The following LAG3 variants were observed in gnomAD, a reference collection of about 807,000 sequenced individuals.
LAG3 encodes lymphocyte activation gene 3 protein.
In LAG3, 29 loss-of-function variants were observed where a neutral mutation model predicts 49.0. The ratio of observed to expected loss-of-function variants is 0.59; its 90% CI spans 0.44 to 0.81. The LOEUF is 0.81. LAG3 is among the 30% of genes least tolerant of loss of function. LAG3 has a pLI of 0.00. For synonymous variants in LAG3, 320 were observed against 297.3 expected (o/e 1.08, Z -0.79); for missense variants, 693 against 695.2 (o/e 1.00, Z 0.04).
Position 6,773,272 on chromosome 12 carries a change from ACAATCCCCCTCC to A in LAG3, c.140_151del (p.Thr47_Gln51delinsLys), listed in dbSNP as rs773617171. ...TCCTGCCCAGCTCCCCTGCAGCCCC[ACAATCCCCCTCC>A]AGGATCTCAGCCTTCTGCGAAGAGC... On this transcript the variant is annotated inframe_deletion, in exon 2 of 8. Coordinates refer to ENST00000203629, the MANE Select transcript of LAG3 (RefSeq NM_002286.6). The surrounding 1 kb of genome is among the most constrained non-coding windows in gnomAD (Gnocchi z 5.5). 1 of 1,613,340 alleles carries A rather than the reference ACAATCCCCCTCC, an allele frequency of 6.2e-7. No individual in the cohort carries two copies. Among genetic ancestry groups the A allele is most frequent in the Non-Finnish European group, 8.5e-7 (1 of 1,179,774 alleles).
At chr12:6,774,040 G>T in intron 3 of LAG3, 39 bp downstream of exon 3, 1 of 1,382,248 alleles carries the variant, frequency 7.2e-7, no homozygotes, top group Non-Finnish European at 9.3e-7. Flanking sequence ...GCTGGGAGGT[G>T]GGTCCCCATC....
In LAG3 at chr12:6,774,683, G is replaced by A; in HGVS notation, c.600G>A (p.Val200=). Residue 200 remains valine, a synonymous_variant, in exon 4 of 8, where the codon GTG becomes GTA. Coordinates refer to ENST00000203629, the MANE Select transcript of LAG3 (RefSeq NM_002286.6). ...SFSRPDRPAS[V]HWFRNRGQGR... is the part of the protein sequence containing the mutation. ...GCCGCCCTGACCGCCCAGCCTCTGTGCATTGGTTCCGGAACCGGGGCCAGG... is the reference window on the plus strand; with the variant it reads ...GCCGCCCTGACCGCCCAGCCTCTGTACATTGGTTCCGGAACCGGGGCCAGG... The A allele has an allele frequency of 6.2e-7, 1 of 1,614,188 alleles. No homozygotes were observed. Among genetic ancestry groups the A allele is most frequent in the Non-Finnish European group, 8.5e-7 (1 of 1,180,030 alleles).
At position 6,773,561 on chromosome 12, in the gene LAG3, G is replaced by C. The variant is rs1941867273; in HGVS notation, c.207-136G>C. The C allele has an allele frequency of 1.7e-6, 2 of 1,161,700 alleles. No individual in the cohort carries two copies. Among genetic ancestry groups the C allele is most frequent in the Admixed American group, 3.8e-5 (1 of 26,554 alleles). 72.0% of individuals were successfully genotyped at this position (1,161,700 alleles called of 1,614,324 possible). On this transcript the variant is annotated intron_variant, in intron 2 of 7. Transcript: ENST00000203629. The surrounding 1 kb of genome is among the most constrained non-coding windows in gnomAD (Gnocchi z 5.5). ...GTGGATGCGGCCAGTCCAACAGAGGGGTCGGGCGTGAGGGGACGGTTGGTG... is the reference window on the plus strand; with the variant it reads ...GTGGATGCGGCCAGTCCAACAGAGGCGTCGGGCGTGAGGGGACGGTTGGTG...
intron 5 of LAG3, among the ~76,000 whole-genome samples, chr12:6,776,594 C>T (rs1027951732): frequency 6.6e-6 from 1 of 152,142 alleles, no homozygotes; most frequent in African/African-American, 2.4e-5. Context: ...CTCCTCCCAC[C>T]CACCCATCTC....
intron 4 of LAG3, 148 bp from the exon 5 acceptor site, chr12:6,775,125 C>T: frequency 3.0e-6 from 3 of 997,666 alleles, no homozygotes; most frequent in Non-Finnish European, 4.5e-6. Context: ...GTTTCTGAGC[C>T]TCCTCAGCTC....
At chr12:6,775,746 T>C (rs1385377419) in intron 5 of LAG3, 198 bp downstream of exon 5, 8 of 597,792 alleles carry the variant, frequency 1.3e-5, no homozygotes, top group Non-Finnish European at 2.1e-5. Context: ...TCCTCTTGAG[T>C]CACAAGATAA....
intron 5 of LAG3, 137 bp from the exon 6 acceptor site, chr12:6,777,127 G>C: frequency 1.2e-6 from 1 of 836,440 alleles, no homozygotes; most frequent in South Asian, 1.7e-5. Context: ...ACGTGGCCAT[G>C]ACCCATGATG....
At position 6,774,868 on chromosome 12, in the gene LAG3, AC is replaced by A; in HGVS notation, c.781+5del. On this transcript the variant is annotated splice_donor_5th_base_variant and intron_variant, in intron 4 of 7. Coordinates refer to ENST00000203629, the MANE Select transcript of LAG3 (RefSeq NM_002286.6). ...ATGTATAACCTCACTGTTCTGGGTA[AC>A]TCCCCCACTCTGCTTCACATTTGAC... 1 of 1,603,732 alleles carries A rather than the reference AC, an allele frequency of 6.2e-7. No individual in the cohort carries two copies. Among genetic ancestry groups the A allele is most frequent in the Non-Finnish European group, 8.5e-7 (1 of 1,172,480 alleles).
In LAG3 at chr12:6,773,164, C is replaced by A. The variant is rs557481906; in HGVS notation, c.59-28C>A. 1.9e-6 allele frequency: 3 copies of A among 1,594,728 alleles called. No individual in the cohort carries two copies. The highest frequency in any genetic ancestry group is 1.4e-5 in the African/African-American group (1 of 73,798). The stretch of plus-strand genomic sequence containing the variant: ...CCCTGCCTCTCGGCTCACGCCCCCT[C>A]CCCTTGGCCTCTCTTTTGCTCACCT... On this transcript the variant is annotated intron_variant, in intron 1 of 7. Transcript: ENST00000203629. This position sits in a 1 kb window ranked among gnomAD's most constrained non-coding sequence, Gnocchi z 5.5.
At chr12:6,775,717 AGAAAC>A (rs1941900368) in intron 5 of LAG3, 169 bp downstream of exon 5, 1 of 636,218 alleles carries the variant, frequency 1.6e-6, no homozygotes, top group Non-Finnish European at 2.7e-6. Context: ...CCCATAATAA[AGAAAC>A]GAAACTGAAA....
In LAG3 at chr12:6,775,631, C is replaced by A. The variant is rs139579945; in HGVS notation, c.1057+83C>A. ...AAGGGCTGGCAGGGCAAAGACTAGGCAAACCCACCCTGTGATGCCAGGCCA... is the reference window on the plus strand; with the variant it reads ...AAGGGCTGGCAGGGCAAAGACTAGGAAAACCCACCCTGTGATGCCAGGCCA... On this transcript the variant is annotated intron_variant, in intron 5 of 7. Coordinates refer to ENST00000203629, the MANE Select transcript of LAG3 (RefSeq NM_002286.6). 2.9e-4 allele frequency: 408 copies of A among 1,390,112 alleles called. 4 individuals carry two copies. The African/African-American group carries it at 5.0e-3, about 17-fold the overall frequency. 86.1% of individuals were successfully genotyped at this position (1,390,112 alleles called of 1,614,324 possible).
intron 7 of LAG3, 101 bp downstream of exon 7, chr12:6,778,022 C>A: frequency 6.4e-7 from 1 of 1,551,846 alleles, no homozygotes; most frequent in Non-Finnish European, 8.8e-7. Context: ...CCAAATGGGA[C>A]CCTGAACTTG....
At position 6,773,819 on chromosome 12, in the gene LAG3, GC is replaced by G; in HGVS notation, c.330del (p.Ser111AlafsTer61). The G allele has an allele frequency of 7.1e-7, 1 of 1,401,314 alleles. No homozygotes were observed. Among genetic ancestry groups the G allele is most frequent in the South Asian group, 1.5e-5 (1 of 65,932 alleles). 86.8% of individuals were successfully genotyped at this position (1,401,314 alleles called of 1,614,324 possible). The stretch of plus-strand genomic sequence containing the variant: ...CTGAGCGTGGGTCCCGGAGGCCTGC[GC>G]AGCGGGAGGCTGCCCCTGCAGCCCC... ...TVLSVGPGGL[R>X]SGRLPLQPRV... On this transcript the variant is annotated frameshift_variant, in exon 3 of 8. Coordinates refer to ENST00000203629, the MANE Select transcript of LAG3 (RefSeq NM_002286.6). LOFTEE classifies it high-confidence loss of function. This position sits in a 1 kb window ranked among gnomAD's most constrained non-coding sequence, Gnocchi z 5.5.
chr12:6,778,328 C>G lies in LAG3; in HGVS notation c.1516C>G (p.Pro506Ala). Residue 506 changes from proline (P) to alanine (A), a missense_variant, in exon 8 of 8, where the codon CCG (proline) becomes GCG (alanine). Transcript: ENST00000203629. The part of the protein sequence containing the change: ...QSKIEELEQE[P>A]EPEPEPEPEP... ...CAAGATAGAGGAGCTGGAGCAAGAA[C>G]CGGAGCCGGAGCCGGAGCCGGAACC... The G allele has an allele frequency of 1.2e-6, 2 of 1,612,472 alleles. No individual in the cohort carries two copies. Among genetic ancestry groups the G allele is most frequent in the Non-Finnish European group, 1.7e-6 (2 of 1,179,408 alleles).
chr12:6,777,980 GT>G, intron 7 of LAG3, 59 bp downstream of exon 7: 5 of 1,607,682 alleles, frequency 3.1e-6, no homozygotes, highest in Non-Finnish European at 4.2e-6. Flanking sequence ...CATCCTCAGA[GT>G]GCTGATGGCA....
rs565145483 is a variant in LAG3 at position 6,774,732 on chromosome 12, C to T, written c.649C>T (p.Pro217Ser). Residue 217 changes from proline (P) to serine (S), a missense_variant, in exon 4 of 8, where the codon CCC becomes TCC. Transcript: ENST00000203629. ...GQGRVPVRES[P>S]HHHLAESFLF... ...GGGCCGAGTCCCTGTCCGGGAGTCCCCCCATCACCACTTAGCGGAAAGCTT... is the reference window on the plus strand; with the variant it reads ...GGGCCGAGTCCCTGTCCGGGAGTCCTCCCATCACCACTTAGCGGAAAGCTT... 65 of 1,614,186 alleles carry T rather than the reference C, an allele frequency of 4.0e-5. No homozygotes were observed. The highest frequency in any genetic ancestry group is 3.8e-4 in the East Asian group (17 of 44,886).
chr12:6,775,431 G>A lies in LAG3; in HGVS notation c.940G>A (p.Gly314Ser). The A allele has an allele frequency of 6.2e-7, 1 of 1,614,226 alleles. No homozygotes were observed. Among genetic ancestry groups the A allele is most frequent in the Non-Finnish European group, 8.5e-7 (1 of 1,180,040 alleles). ...TGACCTCCTGGTGACTGGAGACAAT[G>A]GCGACTTTACCCTTCGACTAGAGGA... is the stretch of plus-strand genomic sequence containing the variant. The part of the protein sequence containing the change: ...GPDLLVTGDN[G>S]DFTLRLEDVS... Residue 314 changes from glycine (G) to serine (S), a missense_variant, in exon 5 of 8, where the codon GGC (glycine) becomes AGC (serine). By Grantham distance (56) the Gly-to-Ser change is moderately conservative. Transcript: ENST00000203629.
At position 6,777,863 on chromosome 12, in the gene LAG3, T is replaced by C. The variant is rs746834115; in HGVS notation, c.1373T>C (p.Val458Ala). 5 of 1,613,932 alleles carry C rather than the reference T, an allele frequency of 3.1e-6. No individual in the cohort carries two copies. Among genetic ancestry groups the C allele is most frequent in the Non-Finnish European group, 3.4e-6 (4 of 1,179,942 alleles). The change falls in exon 7 of 8, where the codon GTC (valine) becomes GCC (alanine). Residue 458 changes from valine (V) to alanine (A), a missense_variant. By Grantham distance (64) the Val-to-Ala change is moderately conservative. Coordinates refer to ENST00000203629, the MANE Select transcript of LAG3 (RefSeq NM_002286.6). The part of the protein sequence containing the change: ...GHLLLFLILG[V>A]LSLLLLVTGA... ...CTCCTGCTGTTTCTCATCCTTGGTGTCCTTTCTCTGCTCCTTTTGGTGACT... is the reference window on the plus strand; with the variant it reads ...CTCCTGCTGTTTCTCATCCTTGGTGCCCTTTCTCTGCTCCTTTTGGTGACT...
At position 6,772,739 on chromosome 12, in the gene LAG3, C is replaced by T. The variant is rs1395205004; in HGVS notation, c.-114C>T. 7.9e-5 allele frequency: 66 copies of T among 831,984 alleles called. No individual in the cohort carries two copies. The highest frequency in any genetic ancestry group is 2.3e-5 in the Admixed American group (1 of 43,914). 51.5% of individuals were successfully genotyped at this position (831,984 alleles called of 1,614,324 possible). A position where few individuals can be genotyped will look rare whatever the true frequency, so the allele number is the denominator to read the frequency against. Reference sequence around the variant, plus strand: ...GGTCTCCCTTCTTCTAGAACCCCTTCCTCCACCTCCCTCTCTGCAGAACTT... The same window carrying T: ...GGTCTCCCTTCTTCTAGAACCCCTTTCTCCACCTCCCTCTCTGCAGAACTT... On this transcript the variant is annotated 5_prime_UTR_variant, in exon 1 of 8. Coordinates refer to ENST00000203629, the MANE Select transcript of LAG3 (RefSeq NM_002286.6).
Sources: allele counts gnomAD v4.1 joint callset (sites outside exome capture counted in the v4.1 genomes callset), GRCh38; gene constraint gnomAD v4.1.1; non-coding constraint Gnocchi (gnomAD v3.1); transcripts MANE v1.5; gene names NCBI Gene and HGNC (gene_info 2026-07-23, HGNC 2026-07-21).